The following COX15 variants were observed in gnomAD, a reference collection of about 807,000 sequenced individuals.
COX15 encodes cytochrome c oxidase assembly factor COX15.
A neutral mutation model predicts 51.9 loss-of-function variants in COX15; 51 were observed. That is an observed-to-expected ratio of 0.98 (90% CI 0.78 to 1.24). COX15 has a LOEUF of 1.24. Among genes scored for constraint, COX15 ranks in the 50% most tolerant of loss-of-function variants. The pLI, the probability that COX15 is intolerant of heterozygous loss-of-function variation, is 0.00. For synonymous variants in COX15, 188 were observed against 190.5 expected, an observed-to-expected ratio of 0.99 and a Z score of 0.11; for missense variants, 420 against 501.1, an observed-to-expected ratio of 0.84 and a Z score of 1.55.
the COX15 span, among the ~76,000 whole-genome samples, chr10:99,694,878 C>T: frequency 6.6e-6 from 1 of 152,096 alleles, no homozygotes; most frequent in African/African-American, 2.4e-5. Context: ...AGTGAAATTG[C>T]AGGGCACAAT....
At chr10:99,709,285 A>C, downstream of COX15, 1 of 985,408 alleles carries the variant, frequency 1.0e-6, no homozygotes, top group Non-Finnish European at 1.2e-6. Flanking sequence ...TTTTCAAATT[A>C]ATTCAAAACT....
intron 6 of COX15, among the ~76,000 whole-genome samples, chr10:99,719,113 TA>T (rs2036674863): frequency 6.6e-6 from 1 of 152,214 alleles, no homozygotes; most frequent in African/African-American, 2.4e-5. Context: ...ACTTATAAAC[TA>T]AATCCTGGAT....
chr10:99,727,375 AG>A (rs2036993659), intron 3 of COX15, 65 bp downstream of exon 3: 1 of 1,591,708 alleles, frequency 6.3e-7, no homozygotes, highest in Non-Finnish European at 8.6e-7. Flanking sequence ...ACCATTCTGA[AG>A]GGTTTAAGTC....
At chr10:99,720,962 T>A (rs1408497216) in intron 6 of COX15, 25 bp downstream of exon 6, 1 of 1,599,828 alleles carries the variant, frequency 6.3e-7, no homozygotes, top group African/African-American at 1.3e-5. Context: ...TGCAAACAGG[T>A]CATCTTTGAT....
rs1203537160 is a variant in COX15, at chr10:99,711,336, TACTA to T, written c.*3247_*3250del. 17 of 985,296 alleles carry T rather than the reference TACTA, an allele frequency of 1.7e-5. No individual in the cohort carries two copies. Among genetic ancestry groups the T allele is most frequent in the Middle Eastern group, 5.2e-4 (1 of 1,936 alleles). 61.0% of individuals were successfully genotyped at this position (985,296 alleles called of 1,614,324 possible). On this transcript the variant is annotated 3_prime_UTR_variant, in exon 9 of 9. Coordinates refer to ENST00000016171, the MANE Select transcript of COX15 (RefSeq NM_078470.6). Reference sequence around the variant, plus strand: ...TCATACTGCCCTCTGCTGACTCAGTTACTAACTAAGGACAACCTGGGTTTGAGGA... The same window carrying T: ...TCATACTGCCCTCTGCTGACTCAGTTACTAAGGACAACCTGGGTTTGAGGA...
downstream of COX15, chr10:99,709,955 T>C (rs932874823): frequency 3.0e-6 from 3 of 985,458 alleles, no homozygotes; most frequent in African/African-American, 5.2e-5. Flanking sequence ...TACAAGGGCT[T>C]TCACTTTTAA....
At chr10:99,723,818 A>T in intron 5 of COX15, 138 bp downstream of exon 5, 7 of 928,304 alleles carry the variant, frequency 7.5e-6, no homozygotes, top group African/African-American at 1.6e-5. Context: ...CTATTTTTCA[A>T]TTTGTTTCAC....
chr10:99,711,151 A>C lies in COX15; in HGVS notation c.*3436T>G. 1.0e-6 allele frequency: 1 copy of C among 984,954 alleles called. No individual in the cohort carries two copies. Among genetic ancestry groups the C allele is most frequent in the Non-Finnish European group, 1.2e-6 (1 of 829,472 alleles). The allele number at this position is 984,954 out of a possible 1,614,324, so 61.0% of individuals were successfully genotyped here. ...CACCAGAAGCTCATAGATATAATAC[A>C]GTTATATAGCTAAATGCAACCAGTT... is the stretch of plus-strand genomic sequence containing the variant. On this transcript the variant is annotated 3_prime_UTR_variant, in exon 9 of 9. Coordinates refer to ENST00000016171, the MANE Select transcript of COX15 (RefSeq NM_078470.6).
At chr10:99,704,469 G>T in the COX15 span, 1 of 1,614,192 alleles carries the variant, frequency 6.2e-7, no homozygotes, top group Non-Finnish European at 8.5e-7. Context: ...CGGCAGGAAG[G>T]TGTCCGACAA....
At chr10:99,694,497 A>G in the COX15 span, among the ~76,000 whole-genome samples, 2 of 151,532 alleles carry the variant, frequency 1.3e-5, no homozygotes, top group African/African-American at 4.8e-5. Flanking sequence ...TGCTGCTGTG[A>G]ACATTCATAT....
chr10:99,712,350 C>T lies in COX15; in HGVS notation c.*2237G>A, dbSNP rs1030072316. ...ATGGCTCTCAGACACGTTAAGCCTG[C>T]ATAACATTTTTTAAAATCTTGAAAT... On this transcript the variant is annotated 3_prime_UTR_variant, in exon 9 of 9. Transcript: ENST00000016171. 3.0e-6 allele frequency: 3 copies of T among 985,268 alleles called. No individual in the cohort carries two copies. The highest frequency in any genetic ancestry group is 3.6e-6 in the Non-Finnish European group (3 of 829,926). The allele number at this position is 985,268 out of a possible 1,614,324, so 61.0% of individuals were successfully genotyped here. A position where few individuals can be genotyped will look rare whatever the true frequency, so the allele number is the denominator to read the frequency against.
At chr10:99,701,478 G>A in the COX15 span, among the ~76,000 whole-genome samples, 2 of 151,528 alleles carry the variant, frequency 1.3e-5, no homozygotes, top group East Asian at 2.0e-4. Context: ...TTGTAGAGAC[G>A]GGGTTTCGCA....
At chr10:99,715,207 G>C (rs1269543231) in intron 8 of COX15, among the ~76,000 whole-genome samples, 3 of 152,022 alleles carry the variant, frequency 2.0e-5, no homozygotes, top group Non-Finnish European at 4.4e-5. Flanking sequence ...GCATGATCTT[G>C]GCTCACTGCA....
chr10:99,725,779 G>A (rs1326068231), intron 4 of COX15, among the ~76,000 whole-genome samples: 1 of 152,120 alleles, frequency 6.6e-6, no homozygotes, highest in Non-Finnish European at 1.5e-5. Flanking sequence ...AGGCTGGTCT[G>A]GAACTCCTGA....
chr10:99,725,037 T>C (rs1387076691), intron 4 of COX15, among the ~76,000 whole-genome samples: 1 of 152,216 alleles, frequency 6.6e-6, no homozygotes, highest in Non-Finnish European at 1.5e-5. Flanking sequence ...TTTGTAAAAG[T>C]TGGTAATGAA....
In COX15 at chr10:99,712,657, A is replaced by T; in HGVS notation, c.*1930T>A. On this transcript the variant is annotated 3_prime_UTR_variant, in exon 9 of 9. Coordinates refer to ENST00000016171, the MANE Select transcript of COX15 (RefSeq NM_078470.6). The stretch of plus-strand genomic sequence containing the variant: ...AAAAAGCAAAACAAAAACCCAGAAG[A>T]TCTAACAACCCTGGACCTGTAGAGT... 1 of 972,588 alleles carries T rather than the reference A, an allele frequency of 1.0e-6. No individual in the cohort carries two copies. The highest frequency in any genetic ancestry group is 4.8e-5 in the South Asian group (1 of 21,022). 60.2% of individuals were successfully genotyped at this position (972,588 alleles called of 1,614,324 possible). A position where few individuals can be genotyped will look rare whatever the true frequency, so the allele number is the denominator to read the frequency against.
chr10:99,729,280 G>A (rs780512296), intron 2 of COX15, among the ~76,000 whole-genome samples: 9 of 152,072 alleles, frequency 5.9e-5, no homozygotes, highest in African/African-American at 1.9e-4. Context: ...GGCCAACATG[G>A]TGAAACCCTG....
chr10:99,722,971 C>G (rs1223757330), intron 5 of COX15: 1 of 152,098 alleles, frequency 6.6e-6, no homozygotes, highest in Non-Finnish European at 1.5e-5. Flanking sequence ...CCCAATTTGG[C>G]TTCTCTGTGG....
chr10:99,728,760 T>C (rs1459751105), intron 2 of COX15, among the ~76,000 whole-genome samples: 2 of 152,222 alleles, frequency 1.3e-5, no homozygotes, highest in Non-Finnish European at 2.9e-5. Flanking sequence ...CACACAGTTA[T>C]GCAGTCAGCA....
Sources: allele counts gnomAD v4.1 joint callset (sites outside exome capture counted in the v4.1 genomes callset), GRCh38; gene constraint gnomAD v4.1.1; transcripts MANE v1.5; gene names NCBI Gene and HGNC (gene_info 2026-07-23, HGNC 2026-07-21).